USP46: variants seen among roughly 807,000 people sequenced by gnomAD.
The protein encoded by USP46 is ubiquitin specific peptidase 46.
In USP46, 12 loss-of-function variants were observed where a neutral mutation model predicts 44.4. The ratio of observed to expected loss-of-function variants is 0.27; its 90% CI spans 0.17 to 0.44. The LOEUF is 0.44. USP46 is among the 20% of genes least tolerant of loss of function. USP46 has a pLI of 1.00. For missense variants in USP46, 248 were observed against 444.8 expected, an observed-to-expected ratio of 0.56 and a Z score of 3.98; for synonymous variants, 155 against 161.5, an observed-to-expected ratio of 0.96 and a Z score of 0.31.
chr4:52,627,651 C>T (rs1001935317), intron 3 of USP46, among the ~76,000 whole-genome samples: 2 of 152,182 alleles, frequency 1.3e-5, no homozygotes, highest in African/African-American at 2.4e-5. Context: ...TATCCCACTC[C>T]GAAGGCTGCC....
intron 1 of USP46, among the ~76,000 whole-genome samples, chr4:52,642,600 A>T (rs1480905798): frequency 6.6e-6 from 1 of 152,238 alleles, no homozygotes; most frequent in Non-Finnish European, 1.5e-5. Context: ...GAGAACACAC[A>T]AGTCCTTTTC....
chr4:52,605,807 C>G (rs1716666395), intron 5 of USP46, among the ~76,000 whole-genome samples: 1 of 152,238 alleles, frequency 6.6e-6, no homozygotes. Context: ...CTGCCTCCTT[C>G]TCTCTGCTCC....
At chr4:52,644,314 C>T (rs946222386) in intron 1 of USP46, among the ~76,000 whole-genome samples, 3 of 152,186 alleles carry the variant, frequency 2.0e-5, no homozygotes, top group South Asian at 4.1e-4. Context: ...CCTCTCCAGG[C>T]TTCAACAGGG....
chr4:52,649,052 C>G (rs899343062), intron 1 of USP46, among the ~76,000 whole-genome samples: 2 of 152,172 alleles, frequency 1.3e-5, no homozygotes, highest in African/African-American at 2.4e-5. Context: ...CCACAGGGCC[C>G]CCTCACCACC....
At chr4:52,635,366 G>A (rs1331071509) in intron 1 of USP46, among the ~76,000 whole-genome samples, 1 of 152,120 alleles carries the variant, frequency 6.6e-6, no homozygotes, top group East Asian at 1.9e-4. Context: ...GGAAAAAAAG[G>A]TCAAACAACC....
chr4:52,597,998 G>T (rs1319502688), intron 8 of USP46, among the ~76,000 whole-genome samples: 1 of 152,138 alleles, frequency 6.6e-6, no homozygotes, highest in East Asian at 1.9e-4. Flanking sequence ...TGAAGAACAA[G>T]CCAAGACATC....
At chr4:52,602,593 C>A (rs1235513186) in intron 6 of USP46, among the ~76,000 whole-genome samples, 1 of 152,176 alleles carries the variant, frequency 6.6e-6, no homozygotes, top group Admixed American at 6.5e-5. Flanking sequence ...GGGCAAGTCA[C>A]TTCCCTTCTC....
At position 52,595,483 on chromosome 4, in the gene USP46, C is replaced by A. The variant is rs1370073196; in HGVS notation, c.*2157G>T. 1 of 152,390 alleles carries A rather than the reference C, an allele frequency of 6.6e-6. No individual in the cohort carries two copies. Among genetic ancestry groups the A allele is most frequent in the African/African-American group, 2.4e-5 (1 of 41,418 alleles). 9.4% of individuals were successfully genotyped at this position (152,390 alleles called of 1,614,324 possible). On this transcript the variant is annotated 3_prime_UTR_variant, in exon 9 of 9. Coordinates refer to ENST00000441222, the MANE Select transcript of USP46 (RefSeq NM_022832.4). ...TGTTTGCAATATTTTCTTATACTTACCCTTTTTCGTTCCAAAAATCTATCC... is the reference window on the plus strand; with the variant it reads ...TGTTTGCAATATTTTCTTATACTTAACCTTTTTCGTTCCAAAAATCTATCC...
chr4:52,609,583 C>A (rs1716840832), intron 5 of USP46, among the ~76,000 whole-genome samples: 1 of 152,112 alleles, frequency 6.6e-6, no homozygotes, highest in Non-Finnish European at 1.5e-5. Flanking sequence ...CAACACCTGG[C>A]AGGCTTCTCT....
At chr4:52,627,898 T>C in intron 3 of USP46, 52 bp downstream of exon 3, 4 of 1,544,970 alleles carry the variant, frequency 2.6e-6, no homozygotes, top group Admixed American at 1.9e-5. Flanking sequence ...TACAGAACCA[T>C]CAATTCTCCT....
chr4:52,647,758 T>C (rs1473775767), intron 1 of USP46, among the ~76,000 whole-genome samples: 1 of 152,166 alleles, frequency 6.6e-6, no homozygotes, highest in African/African-American at 2.4e-5. Flanking sequence ...CATAGCTGGT[T>C]TATAACACAC....
intron 6 of USP46, 64 bp from the exon 7 acceptor site, chr4:52,602,118 G>T: frequency 6.6e-7 from 1 of 1,520,964 alleles, no homozygotes; most frequent in Non-Finnish European, 8.9e-7. Flanking sequence ...AGAATACACT[G>T]TCATCTGCAC....
chr4:52,647,443 C>A (rs1264807388), intron 1 of USP46, among the ~76,000 whole-genome samples: 1 of 152,178 alleles, frequency 6.6e-6, no homozygotes, highest in East Asian at 1.9e-4. Context: ...TATTCAGACA[C>A]TTTACTTAAA....
chr4:52,653,454 C>T (rs901018359), intron 1 of USP46, among the ~76,000 whole-genome samples: 2 of 140,330 alleles, frequency 1.4e-5, no homozygotes, highest in African/African-American at 5.5e-5. Flanking sequence ...GCAGTGAAGC[C>T]ATCGCACTCC....
chr4:52,611,550 A>G (rs1322212478), intron 4 of USP46, among the ~76,000 whole-genome samples: 2 of 152,186 alleles, frequency 1.3e-5, no homozygotes, highest in African/African-American at 4.8e-5. Flanking sequence ...AGTTATCTGA[A>G]GAAATATTCA....
At chr4:52,630,400 T>C (rs1014193350) in intron 2 of USP46, among the ~76,000 whole-genome samples, 1 of 152,216 alleles carries the variant, frequency 6.6e-6, no homozygotes, top group African/African-American at 2.4e-5. Context: ...GTTGTACTGA[T>C]GCATACTTAA....
chr4:52,632,940 G>GA (rs1203345125), intron 1 of USP46, among the ~76,000 whole-genome samples: 4 of 60,702 alleles, frequency 6.6e-5, no homozygotes, highest in African/African-American at 3.4e-4. Flanking sequence ...AAGAAAGAAA[G>GA]AAAGAAAGAA....
chr4:52,617,976 C>T (rs564901327), intron 4 of USP46, among the ~76,000 whole-genome samples: 43 of 152,262 alleles, frequency 2.8e-4, no homozygotes, highest in African/African-American at 9.4e-4. Context: ...CATAAAGAGA[C>T]CTCATTTAAT....
chr4:52,632,989 GAAAAGAAAGAAAGAAAGAAA>G lies in USP46; in HGVS notation c.37-1865_37-1846del, dbSNP rs1717955177. 6.3e-4 allele frequency among the ~76,000 whole-genome samples: 20 copies of G among 31,974 alleles called. 1 individual carries two copies. Among genetic ancestry groups the G allele is most frequent in the African/African-American group, 2.0e-3 (20 of 9,786 alleles). 21.0% of individuals were successfully genotyped at this position (31,974 alleles called of 152,430 possible). ...GAAAGAAAGAAAGAAAGAAAGAAAA[GAAAAGAAAGAAAGAAAGAAA>G]GAAAGAAAGAAAGAAAGAAAAAGAA... is the stretch of plus-strand genomic sequence containing the variant. On this transcript the variant is annotated intron_variant, in intron 1 of 8. Coordinates refer to ENST00000441222, the MANE Select transcript of USP46 (RefSeq NM_022832.4).
Sources: gnomAD v4.1 joint callset for allele counts (sites outside exome capture counted in the v4.1 genomes callset) on GRCh38, gnomAD v4.1.1 for gene constraint, MANE v1.5 for transcripts, NCBI Gene and HGNC (gene_info 2026-07-23, HGNC 2026-07-21) for gene names.